P3H2: variants seen among roughly 807,000 people sequenced by gnomAD.
P3H2 encodes prolyl 3-hydroxylase 2, also known as leprecan-like 1.
In P3H2, 80 loss-of-function variants were observed where a neutral mutation model predicts 87.0. The ratio of observed to expected loss-of-function variants is 0.92; its 90% CI spans 0.77 to 1.11. The LOEUF (loss-of-function observed/expected upper bound fraction) is 1.11. Among genes scored for constraint, P3H2 ranks in the 50% least tolerant of loss-of-function variants. The pLI, the probability that P3H2 is intolerant of heterozygous loss-of-function variation, is 0.00. For missense variants in P3H2, 1,001 were observed against 923.9 expected (o/e 1.08, Z -1.08); for synonymous variants, 367 against 359.3 (o/e 1.02, Z -0.24).
intron 1 of P3H2, among the ~76,000 whole-genome samples, chr3:190,085,223 T>C (rs1309169136): frequency 1.3e-5 from 2 of 152,192 alleles, no homozygotes; most frequent in East Asian, 1.9e-4. Context: ...GAACCCAATG[T>C]TGTTTGTTGG....
At chr3:190,069,090 G>A (rs915631728) in intron 1 of P3H2, among the ~76,000 whole-genome samples, 9 of 152,106 alleles carry the variant, frequency 5.9e-5, no homozygotes, top group Non-Finnish European at 1.2e-4. Flanking sequence ...TAATCCAAGA[G>A]AGCCTCACCT....
intron 10 of P3H2, 76 bp from the exon 11 acceptor site, chr3:189,973,100 T>C (rs1327160439): frequency 8.2e-6 from 11 of 1,340,804 alleles, no homozygotes; most frequent in East Asian, 7.2e-5. Flanking sequence ...CTAGCTTGCA[T>C]TGAGCCAATA....
At chr3:190,081,279 A>C (rs1727033335) in intron 1 of P3H2, among the ~76,000 whole-genome samples, 1 of 152,186 alleles carries the variant, frequency 6.6e-6, no homozygotes, top group African/African-American at 2.4e-5. Context: ...AGTATGAGGC[A>C]CTTAAAGAGA....
intron 8 of P3H2, among the ~76,000 whole-genome samples, chr3:189,981,676 G>C (rs557945498): frequency 3.9e-5 from 6 of 152,248 alleles, no homozygotes; most frequent in African/African-American, 1.4e-4. Flanking sequence ...TCAGTTGCTG[G>C]ACACCAGATT....
intron 1 of P3H2, among the ~76,000 whole-genome samples, chr3:190,093,633 G>T (rs577571498): frequency 7.9e-5 from 12 of 152,312 alleles, no homozygotes; most frequent in African/African-American, 2.9e-4. Flanking sequence ...AGGTGTCCAG[G>T]ATGGAGAAGA....
chr3:189,969,953 T>C, intron 13 of P3H2: 1 of 695,814 alleles, frequency 1.4e-6, no homozygotes, highest in South Asian at 1.6e-5. Flanking sequence ...AAATATATTT[T>C]TCTACCATTG....
At chr3:190,057,195 A>T (rs1476846555) in intron 1 of P3H2, among the ~76,000 whole-genome samples, 4 of 152,200 alleles carry the variant, frequency 2.6e-5, no homozygotes, top group African/African-American at 9.6e-5. Context: ...TGGATAGTTA[A>T]GAGTCTTGTT....
intron 4 of P3H2, chr3:189,987,904 C>T (rs971785848): frequency 1.1e-5 from 6 of 537,632 alleles, no homozygotes; most frequent in South Asian, 4.3e-5. Flanking sequence ...TTGTGCAAAT[C>T]GTCAAGTTTC....
At chr3:190,031,684 A>T (rs1725258495) in intron 1 of P3H2, among the ~76,000 whole-genome samples, 1 of 151,992 alleles carries the variant, frequency 6.6e-6, no homozygotes, top group African/African-American at 2.4e-5. Flanking sequence ...ATATACAAAG[A>T]TCTTTTCTAA....
intron 1 of P3H2, among the ~76,000 whole-genome samples, chr3:190,088,768 T>A (rs1159177422): frequency 6.6e-6 from 1 of 152,206 alleles, no homozygotes; most frequent in Non-Finnish European, 1.5e-5. Context: ...TTAATGAGAT[T>A]AATTCTGATT....
In P3H2 at chr3:190,080,406, C is replaced by CT. The variant is rs199937581; in HGVS notation, c.480+39845dup. Among the ~76,000 whole-genome samples the CT allele has an allele frequency of 7.0e-3, 1,066 of 151,606 alleles. 19 individuals are homozygous for CT. The highest frequency in any genetic ancestry group is 0.025 in the African/African-American group (1,019 of 41,346). ...TGAGTGCTTTTTTCTTTTTCTTTTCCTTTTTTTTGAGACAGAATTTTGCTC... is the reference window on the plus strand; with the variant it reads ...TGAGTGCTTTTTTCTTTTTCTTTTCCTTTTTTTTTGAGACAGAATTTTGCTC... On this transcript the variant is annotated intron_variant, in intron 1 of 14. Transcript: ENST00000319332.
intron 1 of P3H2, among the ~76,000 whole-genome samples, chr3:190,012,765 A>T (rs1055496855): frequency 6.6e-6 from 1 of 152,058 alleles, no homozygotes; most frequent in African/African-American, 2.4e-5. Context: ...ATAATCATCC[A>T]CTGTTATGTC....
At chr3:190,033,223 C>T (rs924335697) in intron 1 of P3H2, among the ~76,000 whole-genome samples, 2 of 152,230 alleles carry the variant, frequency 1.3e-5, no homozygotes, top group African/African-American at 4.8e-5. Flanking sequence ...TCACCTGCCG[C>T]TCACCTCCTG....
rs750927620 is a variant in P3H2, at chr3:190,011,995, CAT to C, written c.481-16555_481-16554del. Among the ~76,000 whole-genome samples, 32 of 152,044 alleles carry C rather than the reference CAT, an allele frequency of 2.1e-4. No individual in the cohort carries two copies. In the Middle Eastern group the frequency reaches 0.01, roughly 48 times the overall value. On this transcript the variant is annotated intron_variant, in intron 1 of 14. Transcript: ENST00000319332. ...CTTGTTTTCTAATTTTAAAAACAAA[CAT>C]ATGTGTGGTATATGAAGAAACAGGA...
rs570480554 is a variant in P3H2, at chr3:190,118,963, G to A, written c.480+1289C>T. Reference sequence around the variant, plus strand: ...CACAAACACACACAAAAATTAGCCCGGCATGGTGGTGCACACCTGTAATCC... The same window carrying A: ...CACAAACACACACAAAAATTAGCCCAGCATGGTGGTGCACACCTGTAATCC... On this transcript the variant is annotated intron_variant, in intron 1 of 14. Transcript: ENST00000319332. 3.1e-3 allele frequency among the ~76,000 whole-genome samples: 473 copies of A among 151,426 alleles called. 3 individuals are homozygous for A. The highest frequency in any genetic ancestry group is 0.011 in the African/African-American group (457 of 41,234).
rs1381610761 is a variant in P3H2 at position 189,962,321 on chromosome 3, C to T, written c.2034+1637G>A. On this transcript the variant is annotated intron_variant, in intron 14 of 14. Transcript: ENST00000319332. Reference sequence around the variant, plus strand: ...TCCCGAGCAGCTGGGATTACAGGTGCGTGCCACCACGCCAGGCTAATTTTT... The same window carrying T: ...TCCCGAGCAGCTGGGATTACAGGTGTGTGCCACCACGCCAGGCTAATTTTT... 6.6e-5 allele frequency among the ~76,000 whole-genome samples: 10 copies of T among 151,954 alleles called. No individual in the cohort carries two copies. In the South Asian group the frequency reaches 1.0e-3, roughly 16 times the overall value.
At chr3:190,110,824 C>T (rs1309664797) in intron 1 of P3H2, among the ~76,000 whole-genome samples, 1 of 152,280 alleles carries the variant, frequency 6.6e-6, no homozygotes, top group East Asian at 1.9e-4. Flanking sequence ...CCTGTGCTTC[C>T]AGATTTGTTA....
intron 1 of P3H2, among the ~76,000 whole-genome samples, chr3:190,066,141 G>GTA (rs1553880400): frequency 9.7e-6 from 1 of 103,084 alleles, no homozygotes; most frequent in African/African-American, 4.6e-5. Context: ...AAACTGTGGT[G>GTA]TGTATATATA....
At chr3:190,072,831 T>C (rs1726749690) in intron 1 of P3H2, among the ~76,000 whole-genome samples, 1 of 152,240 alleles carries the variant, frequency 6.6e-6, no homozygotes, top group African/African-American at 2.4e-5. Context: ...GAAAATGTTA[T>C]CCATGATTAG....
Sources: gnomAD v4.1 joint callset for allele counts (sites outside exome capture counted in the v4.1 genomes callset) on GRCh38, gnomAD v4.1.1 for gene constraint, MANE v1.5 for transcripts, NCBI Gene and HGNC (gene_info 2026-07-23, HGNC 2026-07-21) for gene names.